The following TSHZ2 variants were observed in gnomAD, a reference collection of about 807,000 sequenced individuals.
TSHZ2 encodes the protein teashirt zinc finger homeobox 2, also known as teashirt homolog 2.
A neutral mutation model predicts 74.4 loss-of-function variants in TSHZ2; 21 were observed. The ratio of observed to expected loss-of-function variants is 0.28; its 90% confidence interval spans 0.20 to 0.41. TSHZ2 has a LOEUF of 0.41. Among genes scored for constraint, TSHZ2 ranks in the 10% least tolerant of loss-of-function variants. TSHZ2 has a pLI of 1.00. For missense variants in TSHZ2, 1,244 were observed against 1,293.5 expected (o/e 0.96, Z 0.59); for synonymous variants, 540 against 515.3 (o/e 1.05, Z -0.65).
chr20:53,341,962 C>T (rs529165110), intron 2 of TSHZ2, among the ~76,000 whole-genome samples: 5 of 152,256 alleles, frequency 3.3e-5, no homozygotes, highest in South Asian at 4.1e-4. Context: ...CCACCCACCT[C>T]GGCCTCCTAA....
intron 1 of TSHZ2, among the ~76,000 whole-genome samples, chr20:52,990,422 A>C (rs1164925239): frequency 8.3e-6 from 1 of 119,886 alleles, no homozygotes; most frequent in Non-Finnish European, 1.6e-5. Context: ...CCCAATAATA[A>C]GTGTGTTAAG....
intron 1 of TSHZ2, among the ~76,000 whole-genome samples, chr20:53,144,261 T>C (rs978688148): frequency 6.6e-6 from 1 of 152,180 alleles, no homozygotes; most frequent in African/African-American, 2.4e-5. Flanking sequence ...AATTTGTTAG[T>C]CCTGCAAAGG....
At chr20:53,277,890 A>G (rs1292206172) in intron 2 of TSHZ2, among the ~76,000 whole-genome samples, 2 of 152,126 alleles carry the variant, frequency 1.3e-5, no homozygotes, top group Non-Finnish European at 2.9e-5. Context: ...TTTTGATGTC[A>G]TTGTTGCTTG....
At chr20:53,174,210 G>A (rs981406554) in intron 1 of TSHZ2, among the ~76,000 whole-genome samples, 3 of 152,188 alleles carry the variant, frequency 2.0e-5, no homozygotes, top group Non-Finnish European at 4.4e-5. Context: ...AGGGTTGTGC[G>A]CCCAGCCAGA....
intron 2 of TSHZ2, among the ~76,000 whole-genome samples, chr20:53,325,569 C>A (rs1029030848): frequency 1.3e-5 from 2 of 152,112 alleles, no homozygotes; most frequent in African/African-American, 4.8e-5. Flanking sequence ...AGTGTCCACA[C>A]CTGGGTTCCT....
chr20:53,123,562 G>A (rs1451906438), intron 1 of TSHZ2, among the ~76,000 whole-genome samples: 1 of 152,148 alleles, frequency 6.6e-6, no homozygotes, highest in Non-Finnish European at 1.5e-5. Flanking sequence ...GAGGGTAAAA[G>A]CCTGAACAAG....
intron 2 of TSHZ2, among the ~76,000 whole-genome samples, chr20:53,423,258 T>C (rs919496762): frequency 1.3e-5 from 2 of 151,984 alleles, no homozygotes; most frequent in African/African-American, 4.8e-5. Flanking sequence ...AAATTAGCCA[T>C]GTATGGTGTT....
chr20:53,287,855 T>C (rs944286119), intron 2 of TSHZ2, among the ~76,000 whole-genome samples: 1 of 152,148 alleles, frequency 6.6e-6, no homozygotes, highest in Non-Finnish European at 1.5e-5. Context: ...ATGACTCAGC[T>C]TTTTTTCCCC....
At position 53,392,638 on chromosome 20, in the gene TSHZ2, G is replaced by A. The variant is rs377479385; in HGVS notation, c.*9-94506G>A. 2.0e-3 allele frequency among the ~76,000 whole-genome samples: 310 copies of A among 152,256 alleles called. 2 individuals carry two copies. The highest frequency in any genetic ancestry group is 6.8e-3 in the African/African-American group (283 of 41,538). ...TTGTTAAGGATGGTGAGGCTATGGG[G>A]TGACTTTTCTTAAATTTAATTCCAA... On this transcript the variant is annotated intron_variant, in intron 2 of 2. Transcript: ENST00000371497.
At chr20:53,143,490 G>A (rs1278975473) in intron 1 of TSHZ2, among the ~76,000 whole-genome samples, 1 of 152,058 alleles carries the variant, frequency 6.6e-6, no homozygotes, top group Non-Finnish European at 1.5e-5. Context: ...TCAGAAGATC[G>A]AGACCATCCT....
intron 1 of TSHZ2, among the ~76,000 whole-genome samples, chr20:53,104,113 C>T (rs547447071): frequency 2.0e-5 from 3 of 152,140 alleles, no homozygotes; most frequent in Non-Finnish European, 4.4e-5. Context: ...ACATCGCGCT[C>T]TGCAGAGGTG....
At chr20:53,470,544 G>C (rs111871326) in intron 2 of TSHZ2, among the ~76,000 whole-genome samples, 1 of 152,058 alleles carries the variant, frequency 6.6e-6, no homozygotes, top group African/African-American at 2.4e-5. Context: ...GGCCGGGCGC[G>C]GTGGCTCATG....
At chr20:53,330,975 C>A (rs1979700241) in intron 2 of TSHZ2, among the ~76,000 whole-genome samples, 1 of 152,166 alleles carries the variant, frequency 6.6e-6, no homozygotes, top group Non-Finnish European at 1.5e-5. Context: ...GGGTGTCTGG[C>A]AAACTGTGTA....
At chr20:53,345,231 G>A (rs1422702782) in intron 2 of TSHZ2, among the ~76,000 whole-genome samples, 4 of 152,190 alleles carry the variant, frequency 2.6e-5, no homozygotes, top group Non-Finnish European at 4.4e-5. Context: ...TGGTTGGCAA[G>A]TGTCCTCAGC....
intron 1 of TSHZ2, among the ~76,000 whole-genome samples, chr20:53,116,011 G>A (rs140699934): frequency 6.6e-6 from 1 of 152,300 alleles, no homozygotes; most frequent in Non-Finnish European, 1.5e-5. Context: ...CCAAGCTATC[G>A]TGAGACAGGT....
chr20:53,056,034 G>A (rs1984628296), intron 1 of TSHZ2, among the ~76,000 whole-genome samples: 1 of 152,162 alleles, frequency 6.6e-6, no homozygotes, highest in South Asian at 2.1e-4. Flanking sequence ...GCTTATCTGA[G>A]ATTACTTATT....
At chr20:53,240,654 A>G (rs1320457368) in intron 1 of TSHZ2, among the ~76,000 whole-genome samples, 1 of 152,030 alleles carries the variant, frequency 6.6e-6, no homozygotes, top group Non-Finnish European at 1.5e-5. Flanking sequence ...GAAAAGAAAA[A>G]CTATCATTTA....
chr20:53,252,584 A>G (rs1990356279), intron 1 of TSHZ2, among the ~76,000 whole-genome samples: 1 of 152,196 alleles, frequency 6.6e-6, no homozygotes, highest in African/African-American at 2.4e-5. Flanking sequence ...CATTTTCCCT[A>G]TGTAATTACT....
At chr20:53,042,818 T>C (rs893066463) in intron 1 of TSHZ2, among the ~76,000 whole-genome samples, 1 of 152,118 alleles carries the variant, frequency 6.6e-6, no homozygotes, top group African/African-American at 2.4e-5. Context: ...TAAGTGCATA[T>C]GTTTCGATCC....
Sources: gnomAD v4.1 joint callset for allele counts (sites outside exome capture counted in the v4.1 genomes callset) on GRCh38, gnomAD v4.1.1 for gene constraint, MANE v1.5 for transcripts, NCBI Gene and HGNC (gene_info 2026-07-23, HGNC 2026-07-21) for gene names.